ITGB4: variants seen among roughly 807,000 people sequenced by gnomAD.
The protein encoded by ITGB4 is integrin beta-4.
In ITGB4, 159 loss-of-function variants were observed where a neutral mutation model predicts 207.6. That is an observed-to-expected ratio of 0.77 (90% CI 0.67 to 0.87). The LOEUF is 0.87. Among genes scored for constraint, ITGB4 ranks in the 40% least tolerant of loss-of-function variants. The pLI is 0.00. For synonymous variants in ITGB4, 1,020 were observed against 1,062.7 expected, an observed-to-expected ratio of 0.96 and a Z score of 0.78; for missense variants, 2,278 against 2,546.8, an observed-to-expected ratio of 0.89 and a Z score of 2.27.
intron 23 of ITGB4, among the ~76,000 whole-genome samples, chr17:75,741,927 A>C (rs528644926): frequency 5.9e-5 from 9 of 152,296 alleles, no homozygotes; most frequent in African/African-American, 2.2e-4. Context: ...TGTGAGGTAG[A>C]GATCACTGCT....
Position 75,728,491 on chromosome 17 carries a change from TC to T in ITGB4, c.566+21del, listed in dbSNP as rs2060774637. ...CCTGAGAAGTAAGTGACTGTGTGGG[TC>T]CCGCAGGTGGGCAAGGGTCCAGGCC... On this transcript the variant is annotated intron_variant, in intron 6 of 39. Coordinates refer to ENST00000200181, the MANE Select transcript of ITGB4 (RefSeq NM_000213.5). The T allele has an allele frequency of 6.3e-7, 1 of 1,598,298 alleles. No homozygotes were observed. Among genetic ancestry groups the T allele is most frequent in the African/African-American group, 1.3e-5 (1 of 74,616 alleles).
At position 75,730,981 on chromosome 17, in the gene ITGB4, C is replaced by T. The variant is rs2060843955; in HGVS notation, c.1092+17C>T. The T allele has an allele frequency of 1.2e-6, 2 of 1,606,828 alleles. No individual in the cohort carries two copies. Among genetic ancestry groups the T allele is most frequent in the Non-Finnish European group, 1.7e-6 (2 of 1,173,970 alleles). ...GCCTTCAATGTGAGGGCAGCTCAGG[C>T]TCCAGAGTCTGAGCCCTTCTGGGGC... On this transcript the variant is annotated intron_variant, in intron 9 of 39. Coordinates refer to ENST00000200181, the MANE Select transcript of ITGB4 (RefSeq NM_000213.5).
chr17:75,730,743 TAA>T (rs1165325241), intron 8 of ITGB4, 130 bp from the exon 9 acceptor site: 3 of 1,040,234 alleles, frequency 2.9e-6, no homozygotes, highest in Non-Finnish European at 4.4e-6. Flanking sequence ...AGGTGGGGGC[TAA>T]GAGGGCAGGC....
intron 27 of ITGB4, 117 bp downstream of exon 27, chr17:75,749,162 T>C: frequency 2.4e-6 from 2 of 824,496 alleles, no homozygotes; most frequent in Non-Finnish European, 2.0e-6. Flanking sequence ...AAATCTGAAT[T>C]TCAGGTAAAC....
chr17:75,730,254 G>C lies in ITGB4; in HGVS notation c.752G>C (p.Trp251Ser). ...QTAVCTRDIG[W>S]RPDSTHLLVF... is the part of the protein sequence containing the mutation. ...TGCCTTCCCCAGAGGGACATTGGCT[G>C]GCGCCCGGACAGCACCCACCTGCTG... Residue 251 changes from tryptophan to serine, a missense_variant, in exon 8 of 40, where the codon TGG (tryptophan) becomes TCG (serine). Coordinates refer to ENST00000200181, the MANE Select transcript of ITGB4 (RefSeq NM_000213.5). 6.2e-7 allele frequency: 1 copy of C among 1,612,878 alleles called. No homozygotes were observed. Among genetic ancestry groups the C allele is most frequent in the Non-Finnish European group, 8.5e-7 (1 of 1,179,892 alleles).
chr17:75,754,900 C>G lies in ITGB4; in HGVS notation c.4558+85C>G. On this transcript the variant is annotated intron_variant, in intron 34 of 39. Coordinates refer to ENST00000200181, the MANE Select transcript of ITGB4 (RefSeq NM_000213.5). Reference sequence around the variant, plus strand: ...GAGCCTCGGGCTTCTGTCTGCTGTCCCCACCGCCCATTCTCCAACATACAC... The same window carrying G: ...GAGCCTCGGGCTTCTGTCTGCTGTCGCCACCGCCCATTCTCCAACATACAC... 3.1e-6 allele frequency: 5 copies of G among 1,587,886 alleles called. No homozygotes were observed. The Admixed American group carries it at 8.4e-5, about 27-fold the overall frequency.
At position 75,756,876 on chromosome 17, in the gene ITGB4, G is replaced by C. The variant is rs763409306; in HGVS notation, c.5053+17G>C. 6.2e-7 allele frequency: 1 copy of C among 1,612,290 alleles called. No individual in the cohort carries two copies. The highest frequency in any genetic ancestry group is 1.8e-4 in the Middle Eastern group (1 of 5,646). Reference sequence around the variant, plus strand: ...AAGGAGGAGGTGCTGCCCACCCCGGGGGCAGGAGTGGCCAGGGGAGGGGTA... The same window carrying C: ...AAGGAGGAGGTGCTGCCCACCCCGGCGGCAGGAGTGGCCAGGGGAGGGGTA... On this transcript the variant is annotated intron_variant, in intron 37 of 39. Transcript: ENST00000200181.
At chr17:75,728,588 C>T (rs1009822056) in intron 6 of ITGB4, 115 bp downstream of exon 6, 33 of 828,096 alleles carry the variant, frequency 4.0e-5, no homozygotes, top group Non-Finnish European at 6.6e-5. Context: ...GTGGCTCATG[C>T]CTGTAATCCC....
chr17:75,748,944 G>A lies in ITGB4; in HGVS notation c.3215G>A (p.Arg1072Gln), dbSNP rs750423295. ...LELQEVDSLL[R>Q]GRQVRRFHVQ... ...CTGCAAGAAGTTGACTCCCTCCTGC[G>A]GGGCCGCCAGGTCCGCCGTTTCCAC... Residue 1072 changes from arginine (R) to glutamine (Q), a missense_variant, in exon 27 of 40, where the codon CGG becomes CAG. Transcript: ENST00000200181. 44 of 1,613,156 alleles carry A rather than the reference G, an allele frequency of 2.7e-5. No individual in the cohort carries two copies. The highest frequency in any genetic ancestry group is 5.3e-5 in the African/African-American group (4 of 74,926).
Position 75,733,364 on chromosome 17 carries a change from C to A in ITGB4, c.1455-126C>A, listed in dbSNP as rs12600897. ...TCGCGCCACTGCACTCCAGCCTGGGCGACAAGGCGAGACTCCGTCTCAAAA... is the reference window on the plus strand; with the variant it reads ...TCGCGCCACTGCACTCCAGCCTGGGAGACAAGGCGAGACTCCGTCTCAAAA... On this transcript the variant is annotated intron_variant, in intron 12 of 39. Coordinates refer to ENST00000200181, the MANE Select transcript of ITGB4 (RefSeq NM_000213.5). 375,212 of 714,252 alleles carry A rather than the reference C, an allele frequency of 0.53. 104,046 individuals carry two copies. Among genetic ancestry groups the A allele is most frequent in the Non-Finnish European group, 0.58 (272,547 of 471,814 alleles). 44.2% of individuals were successfully genotyped at this position (714,252 alleles called of 1,614,324 possible).
chr17:75,733,914 G>A (rs1216379583), intron 13 of ITGB4, among the ~76,000 whole-genome samples: 4 of 152,248 alleles, frequency 2.6e-5, no homozygotes, highest in Admixed American at 2.0e-4. Flanking sequence ...GTCACTGTTG[G>A]CAGGACTTTC....
rs370045350 is a variant in ITGB4, at chr17:75,740,925, C to T, written c.2610-57C>T. 5.0e-5 allele frequency: 81 copies of T among 1,613,568 alleles called. No homozygotes were observed. The highest frequency in any genetic ancestry group is 2.0e-4 in the Admixed American group (12 of 60,002). On this transcript the variant is annotated intron_variant, in intron 22 of 39. Transcript: ENST00000200181. This position sits in a 1 kb window ranked among gnomAD's most constrained non-coding sequence, Gnocchi z 5.9. ...ACTCCAGGAGCCGAAGCCCCCAGGC[C>T]GATCAGGCCTCCACTTCAGGGCTAT... is the stretch of plus-strand genomic sequence containing the variant.
rs2148482445 is a variant in ITGB4 at position 75,732,056 on chromosome 17, C to T, written c.1377+83C>T. 6.2e-7 allele frequency: 1 copy of T among 1,606,966 alleles called. No homozygotes were observed. The highest frequency in any genetic ancestry group is 1.7e-4 in the Middle Eastern group (1 of 6,050). ...TGAGGAATGAAGCAGGACTCCTGTGCCCCATATCCCTTGTGGGGTTTCCCG... is the reference window on the plus strand; with the variant it reads ...TGAGGAATGAAGCAGGACTCCTGTGTCCCATATCCCTTGTGGGGTTTCCCG... On this transcript the variant is annotated intron_variant, in intron 11 of 39. Transcript: ENST00000200181. The surrounding 1 kb of genome is among the most constrained non-coding windows in gnomAD (Gnocchi z 5.3).
At chr17:75,737,475 G>T (rs767598905) in intron 17 of ITGB4, 31 bp downstream of exon 17, 42 of 1,553,262 alleles carry the variant, frequency 2.7e-5, no homozygotes, top group Admixed American at 5.9e-5. Flanking sequence ...GCAGGGAGGG[G>T]GCGTGTGGCC....
Position 75,740,852 on chromosome 17 carries a change from G to A in ITGB4, c.2609+1G>A. 1 of 1,613,792 alleles carries A rather than the reference G, an allele frequency of 6.2e-7. No homozygotes were observed. The highest frequency in any genetic ancestry group is 8.5e-7 in the Non-Finnish European group (1 of 1,180,028). On this transcript the variant is annotated splice_donor_variant, in intron 22 of 39. Transcript: ENST00000200181. LOFTEE classifies it high-confidence loss of function. This position sits in a 1 kb window ranked among gnomAD's most constrained non-coding sequence, Gnocchi z 5.9. ...ACAAGCTCCAGCAGACCAAGTTCCG[G>A]TGAGTCCCGGGGTGCCCGGGTTGGG...
In ITGB4 at chr17:75,757,396, T is replaced by G. The variant is rs769204722; in HGVS notation, c.5330-20T>G. 1.2e-6 allele frequency: 2 copies of G among 1,613,032 alleles called. No individual in the cohort carries two copies. Among genetic ancestry groups the G allele is most frequent in the Non-Finnish European group, 8.5e-7 (1 of 1,179,968 alleles). On this transcript the variant is annotated intron_variant, in intron 39 of 39. Coordinates refer to ENST00000200181, the MANE Select transcript of ITGB4 (RefSeq NM_000213.5). Reference sequence around the variant, plus strand: ...AGGGCAGACCCCAAGCCAGGTCATCTAATGCCTCCTCCTCCACAGATGGGC... The same window carrying G: ...AGGGCAGACCCCAAGCCAGGTCATCGAATGCCTCCTCCTCCACAGATGGGC...
At chr17:75,749,718 C>T (rs2061322603) in intron 27 of ITGB4, among the ~76,000 whole-genome samples, 1 of 152,172 alleles carries the variant, frequency 6.6e-6, no homozygotes, top group Non-Finnish European at 1.5e-5. Context: ...AAGGAGTGGG[C>T]CAGTTAGTTC....
rs1281303833 is a variant in ITGB4 at position 75,752,267 on chromosome 17, A to G, written c.3887A>G (p.Tyr1296Cys). Residue 1296 changes from tyrosine (Y) to cysteine (C), a missense_variant, in exon 31 of 40, where the codon TAC becomes TGC. By Grantham distance (194) the Tyr-to-Cys change is radical. Transcript: ENST00000200181. ...CTTCGGGAGTCCCAGCCCTACCGCTACACGGTGAAGGCGCGCAACGGGGCC... is the reference window on the plus strand; with the variant it reads ...CTTCGGGAGTCCCAGCCCTACCGCTGCACGGTGAAGGCGCGCAACGGGGCC... ...ENLRESQPYR[Y>C]TVKARNGAGW... The G allele has an allele frequency of 6.2e-7, 1 of 1,613,500 alleles. No individual in the cohort carries two copies. Among genetic ancestry groups the G allele is most frequent in the South Asian group, 1.1e-5 (1 of 91,086 alleles).
At position 75,736,060 on chromosome 17, in the gene ITGB4, G is replaced by A. The variant is rs142562582; in HGVS notation, c.1667G>A (p.Arg556His). The A allele has an allele frequency of 1.4e-3, 2,197 of 1,613,974 alleles. 14 individuals carry two copies. In the African/African-American group the frequency reaches 0.025, roughly 19 times the overall value. The change falls in exon 14 of 40, where the codon CGC becomes CAC. Residue 556 changes from arginine to histidine, a missense_variant. Coordinates refer to ENST00000200181, the MANE Select transcript of ITGB4 (RefSeq NM_000213.5). ...TSGFLCNDRGRCSMGQCVCEP... is the reference protein window; with the variant it reads ...TSGFLCNDRGHCSMGQCVCEP... ...TTGTCCCTCTCTGCAGACCGAGGAC[G>A]CTGCTCCATGGGCCAGTGTGTGTGT...
Sources: gnomAD v4.1 joint callset for allele counts (sites outside exome capture counted in the v4.1 genomes callset) on GRCh38, gnomAD v4.1.1 for gene constraint, Gnocchi (gnomAD v3.1) non-coding constraint, MANE v1.5 for transcripts, NCBI Gene and HGNC (gene_info 2026-07-23, HGNC 2026-07-21) for gene names.